Variants in GYPE observed in about 807,000 individuals in gnomAD.
GYPE encodes glycophorin-E.
A neutral mutation model predicts 11.6 loss-of-function variants in GYPE; 8 were observed. The observed-to-expected ratio is 0.69, with a 90% CI of 0.41 to 1.25. GYPE has a LOEUF of 1.25. Among genes scored for constraint, GYPE ranks in the 50% most tolerant of loss-of-function variants. The probability of loss-of-function intolerance (pLI) is 0.01; values close to 1 mark genes in which losing one functional copy is unlikely to be tolerated. For synonymous variants in GYPE, 28 were observed against 29.6 expected (o/e 0.94, Z 0.18); for missense variants, 90 against 92.8 (o/e 0.97, Z 0.12).
intron 3 of GYPE, among the ~76,000 whole-genome samples, chr4:143,875,152 G>T (rs1743748356): frequency 6.6e-6 from 1 of 152,192 alleles, no homozygotes; most frequent in South Asian, 2.1e-4. Context: ...ATCCTGGACA[G>T]CCACCTAATG....
chr4:143,890,455 C>G (rs4095434), intron 1 of GYPE, among the ~76,000 whole-genome samples: 1 of 152,150 alleles, frequency 6.6e-6, no homozygotes, highest in Admixed American at 6.5e-5. Context: ...AAAACTTTAT[C>G]CCAAAGTTCT....
At chr4:143,879,947 T>C (rs1186917857) in intron 2 of GYPE, among the ~76,000 whole-genome samples, 1 of 152,128 alleles carries the variant, frequency 6.6e-6, no homozygotes, top group Admixed American at 6.6e-5. Flanking sequence ...TAGACACTTC[T>C]TCTTATTTAG....
chr4:143,897,464 G>T (rs1744694675), intron 1 of GYPE, among the ~76,000 whole-genome samples: 2 of 151,972 alleles, frequency 1.3e-5, no homozygotes, highest in South Asian at 2.1e-4. Context: ...GCAAAATCTT[G>T]TCTCTAAAAA....
chr4:143,903,456 G>C (rs2667357), intron 1 of GYPE, among the ~76,000 whole-genome samples: 1 of 121,800 alleles, frequency 8.2e-6, no homozygotes, highest in Non-Finnish European at 1.6e-5. Context: ...GGTAAGTTTA[G>C]AATTAGAAAT....
chr4:143,879,750 G>T lies in GYPE; in HGVS notation c.136+661C>A, dbSNP rs532099999. 2.0e-5 allele frequency among the ~76,000 whole-genome samples: 3 copies of T among 152,168 alleles called. No homozygotes were observed. In the East Asian group the frequency reaches 5.8e-4, roughly 29 times the overall value. ...AAGGGAACAAGAATGAGGTGACTGCGTGGACATAAAGTGTATCATGAAAGA... is the reference window on the plus strand; with the variant it reads ...AAGGGAACAAGAATGAGGTGACTGCTTGGACATAAAGTGTATCATGAAAGA... On this transcript the variant is annotated intron_variant, in intron 2 of 3. Transcript: ENST00000358615.
chr4:143,904,026 A>C (rs1744968037), intron 1 of GYPE, among the ~76,000 whole-genome samples: 1 of 152,130 alleles, frequency 6.6e-6, no homozygotes, highest in Admixed American at 6.5e-5. Context: ...ACATATACAA[A>C]TATTACACTA....
intron 1 of GYPE, among the ~76,000 whole-genome samples, chr4:143,896,855 T>C (rs1374576869): frequency 6.6e-6 from 1 of 152,094 alleles, no homozygotes; most frequent in Non-Finnish European, 1.5e-5. Flanking sequence ...ATGTCCTTTG[T>C]AGGGACATGG....
intron 1 of GYPE, among the ~76,000 whole-genome samples, chr4:143,887,601 G>GA (rs1744254184): frequency 3.7e-4 from 1 of 2,682 alleles, no homozygotes; most frequent in African/African-American, 3.8e-4. Flanking sequence ...ATGCAGAGGA[G>GA]GAGGGATAAA....
chr4:143,885,481 G>A (rs1481631797), intron 1 of GYPE, among the ~76,000 whole-genome samples: 1 of 152,054 alleles, frequency 6.6e-6, no homozygotes, highest in Non-Finnish European at 1.5e-5. Context: ...GCACTTGGTG[G>A]AAATTTTGTT....
At position 143,871,722 on chromosome 4, in the gene GYPE, G is replaced by C. The variant is rs1397173103; in HGVS notation, c.*540C>G. On this transcript the variant is annotated 3_prime_UTR_variant, in exon 4 of 4. Coordinates refer to ENST00000358615, the MANE Select transcript of GYPE (RefSeq NM_198682.3). ...CAAAGACTGTAAATGCCTTCAAGAA[G>C]GTGAGAGAAACTAATATTTGGTTTA... 1 of 152,160 alleles carries C rather than the reference G, an allele frequency of 6.6e-6. No homozygotes were observed. Among genetic ancestry groups the C allele is most frequent in the African/African-American group, 2.4e-5 (1 of 41,420 alleles). 9.4% of individuals were successfully genotyped at this position (152,160 alleles called of 1,614,324 possible). A position where few individuals can be genotyped will look rare whatever the true frequency, so the allele number is the denominator to read the frequency against.
chr4:143,903,524 CAAAA>C (rs11400558), intron 1 of GYPE, among the ~76,000 whole-genome samples: 14 of 98,846 alleles, frequency 1.4e-4, no homozygotes, highest in Non-Finnish European at 2.3e-4. Context: ...TTTTTCATAG[CAAAA>C]AAAAAAAAAA....
chr4:143,904,687 G>A (rs949244123), intron 1 of GYPE, among the ~76,000 whole-genome samples: 3 of 152,254 alleles, frequency 2.0e-5, no homozygotes, highest in Non-Finnish European at 4.4e-5. Context: ...AATAGACTCA[G>A]AATGTTTCAA....
intron 1 of GYPE, among the ~76,000 whole-genome samples, chr4:143,892,685 T>A (rs1744455649): frequency 6.6e-6 from 1 of 151,626 alleles, no homozygotes; most frequent in African/African-American, 2.4e-5. Context: ...CAGTTTGTTA[T>A]AATTTCTGTT....
intron 1 of GYPE, among the ~76,000 whole-genome samples, chr4:143,884,126 G>T (rs562081463): frequency 2.1e-4 from 31 of 150,524 alleles, no homozygotes; most frequent in African/African-American, 6.4e-4. Context: ...CAGCCATTCT[G>T]CACATCTGTT....
At chr4:143,898,482 A>G (rs1230327490) in intron 1 of GYPE, among the ~76,000 whole-genome samples, 7 of 152,232 alleles carry the variant, frequency 4.6e-5, no homozygotes, top group Admixed American at 3.3e-4. Context: ...AAAAAGATTT[A>G]CTTGTGTCAT....
Position 143,904,179 on chromosome 4 carries a change from G to T in GYPE, c.37+1292C>A, listed in dbSNP as rs544721488. Among the ~76,000 whole-genome samples, 369 of 151,776 alleles carry T rather than the reference G, an allele frequency of 2.4e-3. 1 individual carries two copies. Among genetic ancestry groups the T allele is most frequent in the Non-Finnish European group, 4.4e-3 (298 of 67,908 alleles). On this transcript the variant is annotated intron_variant, in intron 1 of 3. Coordinates refer to ENST00000358615, the MANE Select transcript of GYPE (RefSeq NM_198682.3). ...TTTTCAGAAATCACCAATCACATAC[G>T]TAGGTTTGTTCCCTAGTCTGTAACT...
chr4:143,888,098 A>C (rs1744275185), intron 1 of GYPE, among the ~76,000 whole-genome samples: 1 of 85,126 alleles, frequency 1.2e-5, no homozygotes, highest in Non-Finnish European at 2.4e-5. Flanking sequence ...TGTACCATGG[A>C]GGTGGGGTGA....
chr4:143,880,640 A>G (rs190633204), intron 1 of GYPE, 131 bp from the exon 2 acceptor site: 2 of 1,377,100 alleles, frequency 1.5e-6, no homozygotes, highest in Non-Finnish European at 2.0e-6. Flanking sequence ...TATATCTTAC[A>G]TAATCTTTAG....
At chr4:143,880,165 G>C (rs4054581) in intron 2 of GYPE, among the ~76,000 whole-genome samples, 5 of 152,244 alleles carry the variant, frequency 3.3e-5, no homozygotes, top group South Asian at 2.1e-4. Context: ...TCATGGTCAC[G>C]TGCATCATTT....
Sources: allele counts gnomAD v4.1 joint callset (sites outside exome capture counted in the v4.1 genomes callset), GRCh38; gene constraint gnomAD v4.1.1; transcripts MANE v1.5; gene names NCBI Gene and HGNC (gene_info 2026-07-23, HGNC 2026-07-21).